MERTK: variants seen among roughly 807,000 people sequenced by gnomAD.
The protein encoded by MERTK is MER proto-oncogene, tyrosine kinase, also known as tyrosine-protein kinase Mer.
A neutral mutation model predicts 99.3 loss-of-function variants in MERTK; 69 were observed. The ratio of observed to expected loss-of-function variants is 0.70; its 90% CI spans 0.57 to 0.85. MERTK has a LOEUF of 0.85. Among genes scored for constraint, MERTK ranks in the 40% least tolerant of loss-of-function variants. MERTK has a pLI of 0.00. For missense variants in MERTK, 1,125 were observed against 1,249.4 expected, an observed-to-expected ratio of 0.90 and a Z score of 1.50; for synonymous variants, 426 against 467.6, an observed-to-expected ratio of 0.91 and a Z score of 1.15.
chr2:111,963,767 C>T (rs1247169804), intron 4 of MERTK, among the ~76,000 whole-genome samples: 3 of 151,964 alleles, frequency 2.0e-5, no homozygotes, highest in East Asian at 4.0e-4. Context: ...CTTCTTTCTA[C>T]ACAGACACAG....
Position 111,947,427 on chromosome 2 carries a change from T to G in MERTK, c.617T>G (p.Met206Arg). The part of the protein sequence containing the change: ...LPHFTKQPES[M>R]NVTRNTAFNL... ...CACTTTACTAAGCAGCCTGAGAGCA[T>G]GAATGTCACCAGAAACACAGCCTTC... Residue 206 changes from methionine to arginine, a missense_variant, in exon 4 of 19, where the codon ATG (methionine) becomes AGG (arginine). Physicochemically the swap from Met to Arg is moderately conservative, Grantham distance 91. Transcript: ENST00000295408. 6.2e-7 allele frequency: 1 copy of G among 1,614,148 alleles called. No individual in the cohort carries two copies. Among genetic ancestry groups the G allele is most frequent in the Non-Finnish European group, 8.5e-7 (1 of 1,180,034 alleles).
intron 4 of MERTK, among the ~76,000 whole-genome samples, chr2:111,950,758 A>G (rs1685040413): frequency 6.6e-6 from 1 of 152,186 alleles, no homozygotes; most frequent in Non-Finnish European, 1.5e-5. Flanking sequence ...CTTTTGCCCA[A>G]TTCTATAAAA....
At chr2:111,913,934 T>C (rs1356621534) in intron 1 of MERTK, among the ~76,000 whole-genome samples, 1 of 152,194 alleles carries the variant, frequency 6.6e-6, no homozygotes, top group Admixed American at 6.5e-5. Flanking sequence ...CTTTCTGATG[T>C]GTTTTACTTC....
chr2:111,987,738 G>A (rs1676515230), intron 8 of MERTK, among the ~76,000 whole-genome samples: 1 of 152,122 alleles, frequency 6.6e-6, no homozygotes, highest in Non-Finnish European at 1.5e-5. Flanking sequence ...CCACCTTGAA[G>A]GCCCACCATG....
chr2:112,011,893 G>T (rs893746658), intron 15 of MERTK, among the ~76,000 whole-genome samples: 2 of 152,234 alleles, frequency 1.3e-5, no homozygotes, highest in Admixed American at 1.3e-4. Flanking sequence ...TGAGCTGCTG[G>T]TGGTGAGTGA....
intron 1 of MERTK, among the ~76,000 whole-genome samples, chr2:111,911,217 T>G (rs575953830): frequency 6.6e-6 from 1 of 152,120 alleles, no homozygotes; most frequent in Non-Finnish European, 1.5e-5. Flanking sequence ...ATACATGTTA[T>G]AAAATTTCAT....
At chr2:111,947,369 C>CTT in intron 3 of MERTK, 25 bp from the exon 4 acceptor site, 1 of 1,550,446 alleles carries the variant, frequency 6.4e-7, no homozygotes, top group East Asian at 2.5e-5. Context: ...CTGAAACATT[C>CTT]TTTTGTGTAA....
intron 1 of MERTK, among the ~76,000 whole-genome samples, chr2:111,921,457 A>G (rs1320737623): frequency 1.3e-5 from 2 of 151,242 alleles, no homozygotes; most frequent in South Asian, 4.2e-4. Context: ...CTGAGATCAC[A>G]CCACTGCACT....
At position 112,021,507 on chromosome 2, in the gene MERTK, A is replaced by G. The variant is rs748648347; in HGVS notation, c.2275A>G (p.Ile759Val). The change falls in exon 17 of 19, where the codon ATT becomes GTT. Residue 759 changes from isoleucine to valine, a missense_variant. Transcript: ENST00000295408. ...TGGCGATTATTACCGCCAAGGCCGC[A>G]TTGCTAAGATGCCTGTTAAATGGAT... is the stretch of plus-strand genomic sequence containing the variant. ...YSGDYYRQGR[I>V]AKMPVKWIAI... The G allele has an allele frequency of 8.7e-6, 14 of 1,614,024 alleles. No individual in the cohort carries two copies. Among genetic ancestry groups the G allele is most frequent in the Non-Finnish European group, 1.0e-5 (12 of 1,179,912 alleles).
At chr2:112,027,684 C>T (rs145043519) in intron 18 of MERTK, among the ~76,000 whole-genome samples, 41 of 152,266 alleles carry the variant, frequency 2.7e-4, no homozygotes, top group African/African-American at 9.6e-4. Context: ...CCTGAGCCCA[C>T]TGTCATCTTC....
intron 16 of MERTK, 129 bp downstream of exon 16, chr2:112,019,651 G>T (rs1024702272): frequency 1.3e-6 from 1 of 761,494 alleles, no homozygotes; most frequent in Admixed American, 2.0e-5. Context: ...GGTGTGGCTT[G>T]CTCCGAAGAT....
rs559335871 is a variant in MERTK at position 112,016,427 on chromosome 2, A to G, written c.2080-2986A>G. On this transcript the variant is annotated intron_variant, in intron 15 of 18. Coordinates refer to ENST00000295408, the MANE Select transcript of MERTK (RefSeq NM_006343.3). ...GACACAAAGTGCATAGACAAACAGA[A>G]AAATCAAGCTTTTATTCAGATCTTT... 2.6e-5 allele frequency among the ~76,000 whole-genome samples: 4 copies of G among 152,372 alleles called. 1 individual carries two copies. The East Asian group carries it at 7.7e-4, about 29-fold the overall frequency.
At chr2:111,994,009 C>G (rs1279685407) in intron 8 of MERTK, among the ~76,000 whole-genome samples, 5 of 152,220 alleles carry the variant, frequency 3.3e-5, no homozygotes, top group Admixed American at 6.5e-5. Context: ...TAGGACCACT[C>G]TAAGTGCCAT....
chr2:111,970,868 TCTTCTC>T (rs1401126796), intron 6 of MERTK, among the ~76,000 whole-genome samples: 2 of 142,570 alleles, frequency 1.4e-5, no homozygotes, highest in African/African-American at 5.5e-5. Context: ...TTCTCCTCCT[TCTTCTC>T]CTTCTTCTTG....
intron 2 of MERTK, among the ~76,000 whole-genome samples, chr2:111,930,939 T>C (rs973248292): frequency 5.9e-5 from 9 of 152,208 alleles, no homozygotes; most frequent in Non-Finnish European, 1.2e-4. Flanking sequence ...GGTTGGCCTG[T>C]GGTTGTTAAA....
At chr2:112,002,876 G>A (rs143595031) in intron 11 of MERTK, among the ~76,000 whole-genome samples, 2,456 of 152,236 alleles carry the variant, frequency 0.016, 67 homozygotes, top group African/African-American at 0.046. Flanking sequence ...GGGAGGCTGA[G>A]GCACAAGAAT....
At chr2:111,983,111 G>A in intron 8 of MERTK, 118 bp downstream of exon 8, 1 of 1,184,676 alleles carries the variant, frequency 8.4e-7, no homozygotes, top group Non-Finnish European at 1.2e-6. Flanking sequence ...AGTTAGGCAA[G>A]GCACCTTTCA....
intron 2 of MERTK, chr2:111,930,202 C>T (rs1352377101): frequency 6.6e-6 from 1 of 152,482 alleles, no homozygotes; most frequent in Non-Finnish European, 1.5e-5. Flanking sequence ...TCACCCTGGC[C>T]ATGTGGGGCT....
intron 2 of MERTK, among the ~76,000 whole-genome samples, chr2:111,944,266 C>CTCCA (rs1446148132): frequency 6.9e-6 from 1 of 144,182 alleles, no homozygotes; most frequent in Non-Finnish European, 1.5e-5. Flanking sequence ...TGCCATTGTA[C>CTCCA]TCCAGCCTGG....
Sources: allele counts gnomAD v4.1 joint callset (sites outside exome capture counted in the v4.1 genomes callset), GRCh38; gene constraint gnomAD v4.1.1; transcripts MANE v1.5; gene names NCBI Gene and HGNC (gene_info 2026-07-23, HGNC 2026-07-21).